GABBR2: variants seen among roughly 807,000 people sequenced by gnomAD.
GABBR2 encodes G-protein coupled receptor 51.
In GABBR2, 23 loss-of-function variants were observed where a neutral mutation model predicts 105.6. That is an observed-to-expected ratio of 0.22 (90% CI 0.16 to 0.31). GABBR2 has a LOEUF of 0.31. GABBR2 is among the 10% of genes least tolerant of loss of function. The pLI, the probability that GABBR2 is intolerant of heterozygous loss-of-function variation, is 1.00. For missense variants in GABBR2, 734 were observed against 1,245.5 expected, an observed-to-expected ratio of 0.59 and a Z score of 6.18; for synonymous variants, 478 against 499.7, an observed-to-expected ratio of 0.96 and a Z score of 0.58.
At chr9:98,578,815 G>T (rs775108864) in intron 1 of GABBR2, among the ~76,000 whole-genome samples, 1 of 152,180 alleles carries the variant, frequency 6.6e-6, no homozygotes, top group Non-Finnish European at 1.5e-5. Flanking sequence ...CTACAACGTG[G>T]ATGAACCTTG....
chr9:98,373,800 TGACA>T (rs772501703), intron 11 of GABBR2, among the ~76,000 whole-genome samples: 37 of 151,474 alleles, frequency 2.4e-4, no homozygotes, highest in Admixed American at 4.6e-4. Context: ...ATCCTGTGGC[TGACA>T]AAGATCTATT....
At chr9:98,301,077 C>T (rs1327774904) in intron 16 of GABBR2, among the ~76,000 whole-genome samples, 1 of 152,206 alleles carries the variant, frequency 6.6e-6, no homozygotes, top group Non-Finnish European at 1.5e-5. Context: ...TCATTCATGT[C>T]CTTGGTAATA....
In GABBR2 at chr9:98,289,501, T is replaced by C. The variant is rs1207965167; in HGVS notation, c.*1083A>G. 1 of 152,544 alleles carries C rather than the reference T, an allele frequency of 6.6e-6. No individual in the cohort carries two copies. The highest frequency in any genetic ancestry group is 1.5e-5 in the Non-Finnish European group (1 of 67,992). The allele number at this position is 152,544 out of a possible 1,614,324, so 9.4% of individuals were successfully genotyped here. On this transcript the variant is annotated 3_prime_UTR_variant, in exon 19 of 19. Transcript: ENST00000259455. Reference sequence around the variant, plus strand: ...CAGTGATCCCAAGGGGAGAGCTCACTGGCTTGTCTGGATGGAAGGCTGCCT... The same window carrying C: ...CAGTGATCCCAAGGGGAGAGCTCACCGGCTTGTCTGGATGGAAGGCTGCCT...
intron 7 of GABBR2, among the ~76,000 whole-genome samples, chr9:98,452,199 T>C (rs750749996): frequency 7.9e-5 from 12 of 152,224 alleles, no homozygotes; most frequent in Admixed American, 2.0e-4. Flanking sequence ...CAGGCATGCA[T>C]GAATATGCAT....
intron 17 of GABBR2, among the ~76,000 whole-genome samples, chr9:98,298,061 T>G (rs1022575792): frequency 8.0e-6 from 1 of 125,492 alleles, no homozygotes; most frequent in African/African-American, 3.2e-5. Flanking sequence ...AAAAAAAAAG[T>G]AATGTAAAAT....
intron 1 of GABBR2, among the ~76,000 whole-genome samples, chr9:98,692,069 T>C (rs1830688833): frequency 6.6e-6 from 1 of 152,142 alleles, no homozygotes; most frequent in Non-Finnish European, 1.5e-5. Context: ...ATCACCCCAT[T>C]GTACAGAGAA....
intron 7 of GABBR2, among the ~76,000 whole-genome samples, chr9:98,447,533 ATGTATGTGTG>A (rs1482048531): frequency 2.6e-3 from 274 of 105,070 alleles, no homozygotes; most frequent in Middle Eastern, 0.01. Context: ...TGTAACTAGT[ATGTATGTGTG>A]TGTGTGTGTG....
rs78378633 is a variant in GABBR2 at position 98,396,574 on chromosome 9, G to A, written c.1298-2319C>T. ...CGGCTGTTGCTTACCTGGGTCACCC[G>A]GCCCCTAAATGTCACATTAGCAGAA... is the stretch of plus-strand genomic sequence containing the variant. On this transcript the variant is annotated intron_variant, in intron 8 of 18. Transcript: ENST00000259455. 1.2e-3 allele frequency among the ~76,000 whole-genome samples: 186 copies of A among 152,278 alleles called. 2 individuals carry two copies. Among genetic ancestry groups the A allele is most frequent in the African/African-American group, 4.3e-3 (180 of 41,554 alleles).
At chr9:98,624,217 T>A (rs1829704117) in intron 1 of GABBR2, among the ~76,000 whole-genome samples, 1 of 152,188 alleles carries the variant, frequency 6.6e-6, no homozygotes, top group African/African-American at 2.4e-5. Flanking sequence ...CACGAAGATC[T>A]GGCCTCCCCT....
intron 6 of GABBR2, among the ~76,000 whole-genome samples, chr9:98,471,879 T>C (rs1826689259): frequency 6.6e-6 from 1 of 152,216 alleles, no homozygotes; most frequent in African/African-American, 2.4e-5. Context: ...TGCTCATTAT[T>C]CAACATCTCA....
rs80285286 is a variant in GABBR2 at position 98,338,224 on chromosome 9, T to C, written c.1893+24491A>G. On this transcript the variant is annotated intron_variant, in intron 13 of 18. Transcript: ENST00000259455. ...GAGCTTGGATCAGACAATAGTTTCT[T>C]AGCTATGACACCTAAAGCAGAAATA... 2.4e-3 allele frequency among the ~76,000 whole-genome samples: 373 copies of C among 152,334 alleles called. 1 individual carries two copies. Among genetic ancestry groups the C allele is most frequent in the African/African-American group, 8.8e-3 (364 of 41,580 alleles).
intron 7 of GABBR2, among the ~76,000 whole-genome samples, chr9:98,413,451 CTT>C (rs61561755): frequency 6.7e-6 from 1 of 150,250 alleles, no homozygotes; most frequent in African/African-American, 2.4e-5. Flanking sequence ...AAAAAATATT[CTT>C]TTTTTTTTCT....
At chr9:98,324,030 A>T (rs1272055947) in intron 13 of GABBR2, among the ~76,000 whole-genome samples, 3 of 152,136 alleles carry the variant, frequency 2.0e-5, no homozygotes, top group Non-Finnish European at 2.9e-5. Flanking sequence ...CCTCCCTCAC[A>T]TTTTGCGCAG....
intron 13 of GABBR2, among the ~76,000 whole-genome samples, chr9:98,349,062 T>C (rs1457271905): frequency 6.6e-6 from 1 of 152,202 alleles, no homozygotes; most frequent in Admixed American, 6.5e-5. Context: ...AGCTGTAGGT[T>C]TGTCATAGAT....
chr9:98,654,570 G>T (rs1830153996), intron 1 of GABBR2, among the ~76,000 whole-genome samples: 1 of 152,300 alleles, frequency 6.6e-6, no homozygotes, highest in Non-Finnish European at 1.5e-5. Flanking sequence ...AGCACCGAGG[G>T]TTAGAGGACA....
intron 7 of GABBR2, among the ~76,000 whole-genome samples, chr9:98,437,799 C>T (rs1216056277): frequency 1.3e-5 from 2 of 151,168 alleles, no homozygotes; most frequent in Non-Finnish European, 3.0e-5. Context: ...TAGCTATTGA[C>T]CTACCCACAC....
At position 98,290,710 on chromosome 9, in the gene GABBR2, G is replaced by A. The variant is rs761499397; in HGVS notation, c.2700C>T (p.His900=). 1 of 1,490,298 alleles carries A rather than the reference G, an allele frequency of 6.7e-7. No individual in the cohort carries two copies. The highest frequency in any genetic ancestry group is 8.8e-7 in the Non-Finnish European group (1 of 1,132,024). The allele number at this position is 1,490,298 out of a possible 1,614,324, so 92.3% of individuals were successfully genotyped here. Reference sequence around the variant, plus strand: ...CTCCGATGGATGGGAGGTAGGCGTGGTGGAGGATGGGGAGCTGGAGGGACA... The same window carrying A: ...CTCCGATGGATGGGAGGTAGGCGTGATGGAGGATGGGGAGCTGGAGGGACA... ...RRLSLQLPIL[H]HAYLPSIGGV... Residue 900 remains histidine, a synonymous_variant, in exon 19 of 19, where the codon CAC becomes CAT. Transcript: ENST00000259455.
At chr9:98,705,442 T>C (rs1021622249) in intron 1 of GABBR2, among the ~76,000 whole-genome samples, 4 of 152,224 alleles carry the variant, frequency 2.6e-5, no homozygotes, top group African/African-American at 9.6e-5. Context: ...GCAGATCATA[T>C]GGATAAAGGT....
chr9:98,321,262 C>T lies in GABBR2; in HGVS notation c.1894-10057G>A, dbSNP rs535316638. 1.0e-3 allele frequency among the ~76,000 whole-genome samples: 155 copies of T among 152,248 alleles called. 3 individuals are homozygous for T. Among genetic ancestry groups the T allele is most frequent in the South Asian group, 3.5e-3 (17 of 4,824 alleles). ...TGTTGAAGGCACATTATTGAGTGGA[C>T]GTTTCTGCTTGCTGACCTCAGGCAA... On this transcript the variant is annotated intron_variant, in intron 13 of 18. Transcript: ENST00000259455.
Sources: gnomAD v4.1 joint callset for allele counts (sites outside exome capture counted in the v4.1 genomes callset) on GRCh38, gnomAD v4.1.1 for gene constraint, MANE v1.5 for transcripts, NCBI Gene and HGNC (gene_info 2026-07-23, HGNC 2026-07-21) for gene names.